Variants in PPP1R8 observed in about 807,000 individuals in gnomAD.
PPP1R8 encodes the protein protein phosphatase 1 regulatory subunit 8.
A neutral mutation model predicts 31.3 loss-of-function variants in PPP1R8; 4 were observed. That is an observed-to-expected ratio of 0.13 (90% confidence interval 0.06 to 0.29). The LOEUF (loss-of-function observed/expected upper bound fraction) is 0.29. Ranked by LOEUF, PPP1R8 falls within the 10% of genes least tolerant of loss-of-function variation. The pLI is 1.00. For synonymous variants in PPP1R8, 170 were observed against 169.7 expected (o/e 1.00, Z -0.01); for missense variants, 254 against 440.1 (o/e 0.58, Z 3.78).
intron 2 of PPP1R8, among the ~76,000 whole-genome samples, chr1:27,835,765 A>G (rs2148615033): frequency 6.6e-6 from 1 of 152,372 alleles, no homozygotes; most frequent in East Asian, 1.9e-4. Flanking sequence ...GAAGCCAGAC[A>G]AATCTGAATT....
chr1:27,833,213 C>T (rs2089129325), intron 2 of PPP1R8, among the ~76,000 whole-genome samples: 1 of 152,208 alleles, frequency 6.6e-6, no homozygotes, highest in East Asian at 1.9e-4. Flanking sequence ...CATTCAGGCC[C>T]AACTCCTTAT....
intron 3 of PPP1R8, among the ~76,000 whole-genome samples, chr1:27,839,379 T>C (rs531908597): frequency 2.0e-5 from 3 of 152,042 alleles, no homozygotes; most frequent in East Asian, 1.9e-4. Context: ...AATACAAAAA[T>C]TAGCTGGGTG....
chr1:27,850,618 A>T lies in PPP1R8; in HGVS notation c.*172A>T, dbSNP rs111849000. 2 of 620,972 alleles carry T rather than the reference A, an allele frequency of 3.2e-6. No homozygotes were observed. The highest frequency in any genetic ancestry group is 3.7e-5 in the African/African-American group (2 of 54,390). The allele number at this position is 620,972 out of a possible 1,614,324, so 38.5% of individuals were successfully genotyped here. ...ATTGGGGGTGGGGTTGAAATAGCCCATAAAGACCTGTCTTCACAACACTTG... is the reference window on the plus strand; with the variant it reads ...ATTGGGGGTGGGGTTGAAATAGCCCTTAAAGACCTGTCTTCACAACACTTG... On this transcript the variant is annotated 3_prime_UTR_variant, in exon 7 of 7. Coordinates refer to ENST00000311772, the MANE Select transcript of PPP1R8 (RefSeq NM_014110.5).
At chr1:27,846,383 T>C (rs562711315) in intron 5 of PPP1R8, among the ~76,000 whole-genome samples, 1 of 152,378 alleles carries the variant, frequency 6.6e-6, no homozygotes, top group East Asian at 1.9e-4. Context: ...GCTCTGTGAC[T>C]GTGAATTCAA....
chr1:27,844,884 AT>A (rs765514573), intron 5 of PPP1R8, among the ~76,000 whole-genome samples: 1,358 of 72,340 alleles, frequency 0.019, 17 homozygotes, highest in East Asian at 0.075. Context: ...TGCCCGACTA[AT>A]TTTTTTTTTT....
chr1:27,841,629 A>G (rs774877485), intron 4 of PPP1R8, among the ~76,000 whole-genome samples: 3 of 152,236 alleles, frequency 2.0e-5, no homozygotes, highest in African/African-American at 4.8e-5. Context: ...AGTGGCTGCT[A>G]TGTTGGCTAG....
chr1:27,832,467 T>G (rs182103529), intron 1 of PPP1R8, among the ~76,000 whole-genome samples: 179 of 152,324 alleles, frequency 1.2e-3, no homozygotes, highest in Non-Finnish European at 2.1e-3. Context: ...ACTTGCACTC[T>G]CTATGCAGTT....
intron 4 of PPP1R8, 118 bp downstream of exon 4, chr1:27,841,352 A>C: frequency 9.6e-7 from 1 of 1,041,098 alleles, no homozygotes; most frequent in Admixed American, 2.5e-5. Flanking sequence ...TCTTGAGTCC[A>C]GTAATGGGCC....
chr1:27,832,691 C>T (rs539164623), intron 1 of PPP1R8, 65 bp from the exon 2 acceptor site: 1 of 1,378,780 alleles, frequency 7.3e-7, no homozygotes, highest in African/African-American at 1.4e-5. Context: ...TTGAATGGGA[C>T]AATGGTTGTA....
intron 1 of PPP1R8, 91 bp from the exon 2 acceptor site, chr1:27,832,665 T>G (rs1571543335): frequency 1.1e-5 from 11 of 1,029,248 alleles, no homozygotes; most frequent in Non-Finnish European, 1.4e-6. Context: ...TATAGGCTGG[T>G]AGGAGAGCTG....
Position 27,851,538 on chromosome 1 carries a change from A to G in PPP1R8, c.*1092A>G, listed in dbSNP as rs1342080604. 3 of 499,404 alleles carry G rather than the reference A, an allele frequency of 6.0e-6. No individual in the cohort carries two copies. The highest frequency in any genetic ancestry group is 1.1e-4 in the East Asian group (2 of 17,998). 30.9% of individuals were successfully genotyped at this position (499,404 alleles called of 1,614,324 possible). On this transcript the variant is annotated 3_prime_UTR_variant, in exon 7 of 7. Coordinates refer to ENST00000311772, the MANE Select transcript of PPP1R8 (RefSeq NM_014110.5). ...AACGTAACTTTTGTCATTTGGGTGCAGGCTGTGAATTTGTCTCTCAGTCAC... is the reference window on the plus strand; with the variant it reads ...AACGTAACTTTTGTCATTTGGGTGCGGGCTGTGAATTTGTCTCTCAGTCAC...
At chr1:27,840,667 G>A (rs1571550449) in intron 3 of PPP1R8, among the ~76,000 whole-genome samples, 1 of 152,248 alleles carries the variant, frequency 6.6e-6, no homozygotes, top group East Asian at 1.9e-4. Flanking sequence ...AAGCCTGTAT[G>A]GCAGCAGAGA....
intron 5 of PPP1R8, among the ~76,000 whole-genome samples, chr1:27,844,468 T>C (rs190557120): frequency 2.7e-5 from 4 of 150,732 alleles, no homozygotes; most frequent in Admixed American, 6.6e-5. Flanking sequence ...GCTGGAATTA[T>C]AGGCTTCTGC....
chr1:27,839,959 C>G (rs2089207263), intron 3 of PPP1R8, among the ~76,000 whole-genome samples: 1 of 151,980 alleles, frequency 6.6e-6, no homozygotes, highest in Non-Finnish European at 1.5e-5. Flanking sequence ...GCTTGGGAGG[C>G]TTAAGTGGGA....
Position 27,842,166 on chromosome 1 carries a change from C to A in PPP1R8, c.492+932C>A, listed in dbSNP as rs912161771. On this transcript the variant is annotated intron_variant, in intron 4 of 6. Coordinates refer to ENST00000311772, the MANE Select transcript of PPP1R8 (RefSeq NM_014110.5). Reference sequence around the variant, plus strand: ...GACCAGCCTGGCCAACATGGAGAAACCCCATCTCTACTAAAAATACAAAAA... The same window carrying A: ...GACCAGCCTGGCCAACATGGAGAAAACCCATCTCTACTAAAAATACAAAAA... Among the ~76,000 whole-genome samples the A allele has an allele frequency of 1.5e-4, 23 of 152,186 alleles. No homozygotes were observed. The Middle Eastern group carries it at 0.01, about 68-fold the overall frequency.
At position 27,832,194 on chromosome 1, in the gene PPP1R8, G is replaced by C. The variant is rs533991738; in HGVS notation, c.57-562G>C. On this transcript the variant is annotated intron_variant, in intron 1 of 6. Coordinates refer to ENST00000311772, the MANE Select transcript of PPP1R8 (RefSeq NM_014110.5). ...AGAGGAAACGTCCCCTAATCATGCTGTTGTAGAAAGACCTGTTTCAAGGGT... is the reference window on the plus strand; with the variant it reads ...AGAGGAAACGTCCCCTAATCATGCTCTTGTAGAAAGACCTGTTTCAAGGGT... Among the ~76,000 whole-genome samples the C allele has an allele frequency of 2.0e-5, 3 of 152,300 alleles. No homozygotes were observed. In the South Asian group the frequency reaches 6.2e-4, roughly 32 times the overall value.
Position 27,850,361 on chromosome 1 carries a change from C to G in PPP1R8, c.971C>G (p.Pro324Arg). Residue 324 changes from proline (P) to arginine (R), a missense_variant, in exon 7 of 7, where the codon CCT becomes CGT. Physicochemically the swap from Pro to Arg is moderately radical, Grantham distance 103. Coordinates refer to ENST00000311772, the MANE Select transcript of PPP1R8 (RefSeq NM_014110.5). ...NPAPNPAVYN[P>R]EAVNEPKKKK... Reference sequence around the variant, plus strand: ...GCACCAAACCCTGCAGTCTATAACCCTGAAGCTGTAAATGAACCCAAGAAG... The same window carrying G: ...GCACCAAACCCTGCAGTCTATAACCGTGAAGCTGTAAATGAACCCAAGAAG... 6.2e-7 allele frequency: 1 copy of G among 1,614,138 alleles called. No individual in the cohort carries two copies. Among genetic ancestry groups the G allele is most frequent in the Non-Finnish European group, 8.5e-7 (1 of 1,180,040 alleles).
At chr1:27,841,419 T>C (rs934784722) in intron 4 of PPP1R8, among the ~76,000 whole-genome samples, 185 bp downstream of exon 4, 2 of 152,038 alleles carry the variant, frequency 1.3e-5, no homozygotes, top group African/African-American at 4.8e-5. Flanking sequence ...ATTGTATGGA[T>C]TTGGTTGTGT....
intron 2 of PPP1R8, among the ~76,000 whole-genome samples, chr1:27,837,135 C>G (rs191653669): frequency 7.3e-4 from 110 of 151,102 alleles, no homozygotes; most frequent in Non-Finnish European, 1.3e-3. Flanking sequence ...ACTCTTCATA[C>G]AATTGTTGAT....
Sources: gnomAD v4.1 joint callset for allele counts (sites outside exome capture counted in the v4.1 genomes callset) on GRCh38, gnomAD v4.1.1 for gene constraint, MANE v1.5 for transcripts, NCBI Gene and HGNC (gene_info 2026-07-23, HGNC 2026-07-21) for gene names.